The following PLCH1 variants were observed in gnomAD, a reference collection of about 807,000 sequenced individuals.
The protein encoded by PLCH1 is phospholipase C eta 1, also known as 1-phosphatidylinositol 4,5-bisphosphate phosphodiesterase eta-1.
PLCH1 carries 60 observed loss-of-function variants against 126.7 expected under a neutral mutation model. The ratio of observed to expected loss-of-function variants is 0.47; its 90% confidence interval spans 0.38 to 0.59. The LOEUF (loss-of-function observed/expected upper bound fraction) is 0.59, where lower values mean the gene tolerates loss of function less well. Ranked by LOEUF, PLCH1 falls within the 20% of genes least tolerant of loss-of-function variation. The pLI, the probability that PLCH1 is intolerant of heterozygous loss-of-function variation, is 0.00. For synonymous variants in PLCH1, 719 were observed against 734.9 expected (o/e 0.98, Z 0.35); for missense variants, 1,723 against 2,040.0 (o/e 0.84, Z 2.99).
intron 2 of PLCH1, among the ~76,000 whole-genome samples, chr3:155,649,458 C>G (rs1008084467): frequency 3.9e-5 from 6 of 152,148 alleles, no homozygotes; most frequent in African/African-American, 1.4e-4. Context: ...GGTGTGCACA[C>G]CCCAAGTAGC....
chr3:155,458,498 G>GAA (rs776599269), intron 21 of PLCH1, among the ~76,000 whole-genome samples: 2,366 of 69,038 alleles, frequency 0.034, 329 homozygotes, highest in African/African-American at 0.17. Context: ...AAGAAAGAAA[G>GAA]AGAAAGAAGA....
chr3:155,708,438 G>A (rs1746850262), intron 1 of PLCH1, among the ~76,000 whole-genome samples: 1 of 152,144 alleles, frequency 6.6e-6, no homozygotes, highest in Admixed American at 6.5e-5. Flanking sequence ...GTAGCCAGAA[G>A]GAAACTGAGG....
chr3:155,590,011 C>T (rs551182796), intron 4 of PLCH1, among the ~76,000 whole-genome samples: 1 of 152,292 alleles, frequency 6.6e-6, no homozygotes, highest in African/African-American at 2.4e-5. Context: ...GGCAGTGCAG[C>T]ACCAGGGTCT....
At chr3:155,523,535 G>T (rs562732344) in intron 11 of PLCH1, among the ~76,000 whole-genome samples, 1 of 152,286 alleles carries the variant, frequency 6.6e-6, no homozygotes, top group East Asian at 1.9e-4. Context: ...AGCATGGGGG[G>T]CTGCTAGCAC....
intron 2 of PLCH1, among the ~76,000 whole-genome samples, chr3:155,665,286 G>A (rs922064335): frequency 3.9e-5 from 6 of 152,194 alleles, no homozygotes; most frequent in Non-Finnish European, 7.3e-5. Context: ...TTAAGCCACT[G>A]AGATAGCTTT....
In PLCH1 at chr3:155,564,910, C is replaced by T. The variant is rs752666324; in HGVS notation, c.1069+5G>A. ...CACACCGGAGCTCAGAAAAAGTGCACGTACCTTCCACACAGCGACAGCCCT... is the reference window on the plus strand; with the variant it reads ...CACACCGGAGCTCAGAAAAAGTGCATGTACCTTCCACACAGCGACAGCCCT... On this transcript the variant is annotated splice_donor_5th_base_variant and intron_variant, in intron 8 of 22. Transcript: ENST00000460012. 1.4e-5 allele frequency: 22 copies of T among 1,607,226 alleles called. No individual in the cohort carries two copies. The Admixed American group carries it at 2.7e-4, about 19-fold the overall frequency.
chr3:155,493,568 T>A (rs1224766518), intron 17 of PLCH1, among the ~76,000 whole-genome samples: 1 of 152,160 alleles, frequency 6.6e-6, no homozygotes, highest in Non-Finnish European at 1.5e-5. Context: ...TGATTTTCAG[T>A]AGAGACGGCG....
At chr3:155,477,938 T>C (rs1331848954), downstream of PLCH1, among the ~76,000 whole-genome samples, 1 of 152,150 alleles carries the variant, frequency 6.6e-6, no homozygotes, top group Admixed American at 6.6e-5. Flanking sequence ...CAAAGAGATC[T>C]CTGCACTCCT....
intron 4 of PLCH1, among the ~76,000 whole-genome samples, chr3:155,589,317 C>T (rs1210336211): frequency 3.3e-5 from 5 of 152,188 alleles, no homozygotes; most frequent in Non-Finnish European, 4.4e-5. Context: ...TGAATGAACA[C>T]GGTTGTGTTC....
chr3:155,643,418 T>G (rs1236015188), intron 2 of PLCH1, among the ~76,000 whole-genome samples: 1 of 152,174 alleles, frequency 6.6e-6, no homozygotes, highest in Non-Finnish European at 1.5e-5. Flanking sequence ...GACTATATAC[T>G]CATGACATAC....
chr3:155,671,711 T>C (rs1217918792), intron 2 of PLCH1, among the ~76,000 whole-genome samples: 2 of 152,096 alleles, frequency 1.3e-5, no homozygotes, highest in African/African-American at 2.4e-5. Context: ...GGATAACCAA[T>C]ACAGTAACCA....
At chr3:155,743,358 C>T (rs1255037194) in intron 1 of PLCH1, 2 of 390,670 alleles carry the variant, frequency 5.1e-6, no homozygotes, top group South Asian at 1.9e-5. Flanking sequence ...ATGGTGAAAC[C>T]CCGTCTCTAC....
intron 8 of PLCH1, among the ~76,000 whole-genome samples, chr3:155,562,706 G>A (rs1727793362): frequency 6.6e-6 from 1 of 152,136 alleles, no homozygotes; most frequent in African/African-American, 2.4e-5. Context: ...TTTAAGCCCT[G>A]TGGCCAATCT....
intron 2 of PLCH1, among the ~76,000 whole-genome samples, chr3:155,627,633 C>CA (rs754351073): frequency 0.02 from 1,839 of 92,052 alleles, 15 homozygotes; most frequent in Non-Finnish European, 0.025. Flanking sequence ...GACTCCACCT[C>CA]AAAAAAAAAA....
intron 2 of PLCH1, among the ~76,000 whole-genome samples, chr3:155,669,802 G>C (rs1270680616): frequency 1.3e-5 from 2 of 152,160 alleles, no homozygotes; most frequent in Admixed American, 6.5e-5. Flanking sequence ...TGTTCATACT[G>C]TTCATATTTC....
chr3:155,472,481 C>G (rs1233424544), intron 21 of PLCH1, among the ~76,000 whole-genome samples: 2 of 151,516 alleles, frequency 1.3e-5, no homozygotes, highest in African/African-American at 4.8e-5. Context: ...GGATTCACAG[C>G]CGAATTCTAC....
intron 21 of PLCH1, chr3:155,485,955 C>A (rs1311432462): frequency 8.3e-6 from 5 of 605,144 alleles, no homozygotes; most frequent in African/African-American, 1.9e-5. Flanking sequence ...AAGTTTCCTA[C>A]CCAGAGATGA....
At chr3:155,624,841 C>T (rs1429233093) in intron 2 of PLCH1, among the ~76,000 whole-genome samples, 3 of 152,250 alleles carry the variant, frequency 2.0e-5, no homozygotes, top group East Asian at 1.9e-4. Flanking sequence ...AGATTCAATG[C>T]TCTCCCCATC....
chr3:155,569,048 C>T (rs1391237069), intron 6 of PLCH1, among the ~76,000 whole-genome samples: 1 of 151,780 alleles, frequency 6.6e-6, no homozygotes, highest in Admixed American at 6.6e-5. Flanking sequence ...TTGTGTGGCA[C>T]CAAAAAGGCA....
Sources: allele counts gnomAD v4.1 joint callset (sites outside exome capture counted in the v4.1 genomes callset), GRCh38; gene constraint gnomAD v4.1.1; transcripts MANE v1.5; gene names NCBI Gene and HGNC (gene_info 2026-07-23, HGNC 2026-07-21).